The following TRAPPC10 variants were observed in gnomAD, a reference collection of about 807,000 sequenced individuals.
The protein encoded by TRAPPC10 is trafficking protein particle complex subunit 10.
A neutral mutation model predicts 125.5 loss-of-function variants in TRAPPC10; 23 were observed. That is an observed-to-expected ratio of 0.18 (90% CI 0.13 to 0.26). TRAPPC10 has a LOEUF of 0.26. TRAPPC10 is among the 10% of genes least tolerant of loss of function. The pLI is 1.00. For missense variants in TRAPPC10, 1,123 were observed against 1,308.4 expected, an observed-to-expected ratio of 0.86 and a Z score of 2.19; for synonymous variants, 509 against 518.0, an observed-to-expected ratio of 0.98 and a Z score of 0.24.
intron 7 of TRAPPC10, among the ~76,000 whole-genome samples, chr21:44,070,978 C>G (rs2036825200): frequency 6.6e-6 from 1 of 152,216 alleles, no homozygotes; most frequent in Admixed American, 6.5e-5. Context: ...ACACTGGAAA[C>G]AACCCAGACA....
chr21:44,028,937 A>G (rs2033322398), intron 1 of TRAPPC10, among the ~76,000 whole-genome samples: 1 of 152,172 alleles, frequency 6.6e-6, no homozygotes, highest in Admixed American at 6.5e-5. Flanking sequence ...TCTGCCTCGC[A>G]GTTCAGCCCG....
chr21:44,093,186 T>C (rs1272828286), intron 19 of TRAPPC10, among the ~76,000 whole-genome samples: 2 of 152,212 alleles, frequency 1.3e-5, no homozygotes, highest in Non-Finnish European at 2.9e-5. Flanking sequence ...CCTTTGGGCA[T>C]GGTGGCTCAC....
intron 3 of TRAPPC10, chr21:44,046,838 A>T (rs756652803): frequency 2.8e-5 from 18 of 654,184 alleles, no homozygotes; most frequent in Non-Finnish European, 4.3e-5. Flanking sequence ...ATTTCCTGCC[A>T]GTTCAAGTCC....
intron 3 of TRAPPC10, among the ~76,000 whole-genome samples, chr21:44,043,993 G>C (rs757541600): frequency 6.6e-6 from 1 of 152,220 alleles, no homozygotes; most frequent in Admixed American, 6.5e-5. Context: ...CTCAGTTGTA[G>C]ATCCGTGAGC....
At chr21:44,072,446 C>T (rs1327940253) in intron 7 of TRAPPC10, among the ~76,000 whole-genome samples, 1 of 152,118 alleles carries the variant, frequency 6.6e-6, no homozygotes, top group African/African-American at 2.4e-5. Flanking sequence ...GTAAGAGTCT[C>T]TCGTGGTCTC....
chr21:44,095,122 T>G (rs1476467405), intron 20 of TRAPPC10, among the ~76,000 whole-genome samples: 7 of 150,920 alleles, frequency 4.6e-5, no homozygotes, highest in Admixed American at 4.6e-4. Context: ...CAATCATAGC[T>G]CACTGCAGCC....
In TRAPPC10 at chr21:44,063,425, T is replaced by A. The variant is rs2036200978; in HGVS notation, c.791-113T>A. On this transcript the variant is annotated intron_variant, in intron 6 of 22. Coordinates refer to ENST00000291574, the MANE Select transcript of TRAPPC10 (RefSeq NM_003274.5). The surrounding 1 kb of genome is among the most constrained non-coding windows in gnomAD (Gnocchi z 4.4). ...ACCACAGGGGGTGGGCCAGTGTTCA[T>A]AGAAAAACTGGTTATGAAGCTGCCT... The A allele has an allele frequency of 6.1e-6, 9 of 1,475,272 alleles. No individual in the cohort carries two copies. The highest frequency in any genetic ancestry group is 8.2e-6 in the Non-Finnish European group (9 of 1,092,620). The allele number at this position is 1,475,272 out of a possible 1,614,324, so 91.4% of individuals were successfully genotyped here. A position where few individuals can be genotyped will look rare whatever the true frequency, so the allele number is the denominator to read the frequency against.
intron 11 of TRAPPC10, chr21:44,079,349 T>G (rs1601779579): frequency 3.9e-6 from 2 of 515,526 alleles, no homozygotes; most frequent in Non-Finnish European, 6.7e-6. Context: ...CACCACACGC[T>G]CATTTCTCAG....
intron 10 of TRAPPC10, 101 bp downstream of exon 10, chr21:44,076,729 C>T: frequency 1.0e-6 from 1 of 976,298 alleles, no homozygotes; most frequent in Non-Finnish European, 1.5e-6. Flanking sequence ...GTGTGGGGGG[C>T]CCCTTCTTGT....
intron 4 of TRAPPC10, among the ~76,000 whole-genome samples, chr21:44,053,452 A>T (rs1601675429): frequency 6.6e-6 from 1 of 152,178 alleles, no homozygotes; most frequent in African/African-American, 2.4e-5. Flanking sequence ...ATTCCATAGT[A>T]TTAATGTGCC....
chr21:44,025,349 G>A (rs1321418628), intron 1 of TRAPPC10, among the ~76,000 whole-genome samples: 1 of 152,200 alleles, frequency 6.6e-6, no homozygotes, highest in Non-Finnish European at 1.5e-5. Flanking sequence ...AAAGCCTTAA[G>A]GCATTGGGGT....
rs140300764 is a variant in TRAPPC10, at chr21:44,048,160, G to A, written c.286-4120G>A. ...GGGTGGTTCCCGCATGTACTTACTC[G>A]TCAGTTCCCTGTGGAATACTCGAGG... On this transcript the variant is annotated intron_variant, in intron 3 of 22. Transcript: ENST00000291574. Among the ~76,000 whole-genome samples the A allele has an allele frequency of 3.3e-5, 5 of 152,278 alleles. No homozygotes were observed. The East Asian group carries it at 9.7e-4, about 29-fold the overall frequency.
At position 44,076,937 on chromosome 21, in the gene TRAPPC10, A is replaced by G. The variant is rs534253468; in HGVS notation, c.1377+309A>G. 8.5e-5 allele frequency among the ~76,000 whole-genome samples: 13 copies of G among 152,338 alleles called. No individual in the cohort carries two copies. The South Asian group carries it at 2.5e-3, about 29-fold the overall frequency. On this transcript the variant is annotated intron_variant, in intron 10 of 22. Coordinates refer to ENST00000291574, the MANE Select transcript of TRAPPC10 (RefSeq NM_003274.5). ...AATACTTTTCTTTGTAAAAAGGAGTAATTTGGACTTGGGCAGAGCTATTGT... is the reference window on the plus strand; with the variant it reads ...AATACTTTTCTTTGTAAAAAGGAGTGATTTGGACTTGGGCAGAGCTATTGT...
At chr21:44,065,963 G>A (rs1012166560) in intron 7 of TRAPPC10, among the ~76,000 whole-genome samples, 1 of 152,194 alleles carries the variant, frequency 6.6e-6, no homozygotes, top group Non-Finnish European at 1.5e-5. Context: ...CCCTCCCAAA[G>A]TGCTGGGATT....
intron 2 of TRAPPC10, among the ~76,000 whole-genome samples, chr21:44,036,713 C>T (rs1347051326): frequency 2.6e-5 from 4 of 152,142 alleles, no homozygotes; most frequent in East Asian, 1.9e-4. Context: ...GTGAAAGCAA[C>T]GTCTGCCAGC....
chr21:44,090,096 G>A (rs751721912), intron 18 of TRAPPC10, among the ~76,000 whole-genome samples, 163 bp downstream of exon 18: 4 of 152,156 alleles, frequency 2.6e-5, no homozygotes, highest in Admixed American at 2.0e-4. Flanking sequence ...CTGGTGTCCT[G>A]TGACATCCAG....
chr21:44,050,110 G>A (rs1324904632), intron 3 of TRAPPC10, among the ~76,000 whole-genome samples: 1 of 152,028 alleles, frequency 6.6e-6, no homozygotes, highest in Non-Finnish European at 1.5e-5. Context: ...GTTTTCTTTA[G>A]AGACCCTTAG....
intron 3 of TRAPPC10, among the ~76,000 whole-genome samples, chr21:44,050,137 G>C (rs1280054189): frequency 6.6e-6 from 1 of 152,070 alleles, no homozygotes; most frequent in Non-Finnish European, 1.5e-5. Flanking sequence ...TGGCTCTGCT[G>C]GTCCTCTTAA....
chr21:44,090,381 C>G (rs749753972), intron 18 of TRAPPC10, among the ~76,000 whole-genome samples: 1 of 152,208 alleles, frequency 6.6e-6, no homozygotes, highest in Admixed American at 6.5e-5. Flanking sequence ...GCATTAGTGA[C>G]ATTTTGGGCT....
Sources: gnomAD v4.1 joint callset for allele counts (sites outside exome capture counted in the v4.1 genomes callset) on GRCh38, gnomAD v4.1.1 for gene constraint, Gnocchi (gnomAD v3.1) non-coding constraint, MANE v1.5 for transcripts, NCBI Gene and HGNC (gene_info 2026-07-23, HGNC 2026-07-21) for gene names.